Variants in SCHIP1 observed in about 807,000 individuals in gnomAD.
The protein encoded by SCHIP1 is schwannomin interacting protein 1, also known as schwannomin-interacting protein 1.
Under a neutral mutation model 29.7 loss-of-function variants are expected in SCHIP1, and 8 were observed. The observed-to-expected ratio is 0.27, with a 90% CI of 0.16 to 0.49. SCHIP1 has a LOEUF of 0.49. Ranked by LOEUF, SCHIP1 falls within the 20% of genes least tolerant of loss-of-function variation. The probability of loss-of-function intolerance (pLI) is 0.99; values close to 1 mark genes in which losing one functional copy is unlikely to be tolerated. For synonymous variants in SCHIP1, 76 were observed against 94.9 expected, an observed-to-expected ratio of 0.80 and a Z score of 1.16; for missense variants, 193 against 294.6, an observed-to-expected ratio of 0.66 and a Z score of 2.52.
chr3:159,754,194 C>T, the SCHIP1 span, among the ~76,000 whole-genome samples: 393 of 152,278 alleles, frequency 2.6e-3, 1 homozygote, highest in Non-Finnish European at 4.7e-3. Context: ...TTCATAAAGA[C>T]GTTTAAAACA....
the SCHIP1 span, among the ~76,000 whole-genome samples, chr3:159,573,656 G>A: frequency 6.6e-6 from 1 of 152,232 alleles, no homozygotes; most frequent in Non-Finnish European, 1.5e-5. Context: ...ATATTGGCCT[G>A]CCTTGCTAGG....
chr3:159,527,473 G>C, the SCHIP1 span, among the ~76,000 whole-genome samples: 1 of 152,138 alleles, frequency 6.6e-6, no homozygotes, highest in African/African-American at 2.4e-5. Flanking sequence ...AGAAACAATT[G>C]ACTAAACAAC....
the SCHIP1 span, among the ~76,000 whole-genome samples, chr3:159,726,708 A>G: frequency 6.6e-6 from 1 of 152,194 alleles, no homozygotes; most frequent in Non-Finnish European, 1.5e-5. Flanking sequence ...ACTGTACTAT[A>G]AAATAGGGCC....
the SCHIP1 span, among the ~76,000 whole-genome samples, chr3:159,357,960 C>T: frequency 6.6e-6 from 1 of 152,202 alleles, no homozygotes; most frequent in Non-Finnish European, 1.5e-5. Context: ...ATTCTGCCCC[C>T]AAGGGGCACA....
the SCHIP1 span, among the ~76,000 whole-genome samples, chr3:159,319,646 TA>T: frequency 3.9e-5 from 6 of 152,252 alleles, no homozygotes; most frequent in Non-Finnish European, 8.8e-5. Context: ...TGTTAATATT[TA>T]AAGTCTGGTT....
the SCHIP1 span, among the ~76,000 whole-genome samples, chr3:159,402,801 G>A: frequency 6.6e-6 from 1 of 152,094 alleles, no homozygotes; most frequent in Non-Finnish European, 1.5e-5. Flanking sequence ...GGAGCAGGGA[G>A]GGATAGCATT....
the SCHIP1 span, among the ~76,000 whole-genome samples, chr3:159,283,079 G>T: frequency 2.0e-5 from 3 of 151,896 alleles, no homozygotes; most frequent in African/African-American, 7.3e-5. Flanking sequence ...AATAAATATT[G>T]ATAAGGACCT....
the SCHIP1 span, among the ~76,000 whole-genome samples, chr3:159,458,271 C>T: frequency 6.6e-6 from 1 of 152,192 alleles, no homozygotes; most frequent in Non-Finnish European, 1.5e-5. Context: ...GTGACCACGC[C>T]TGCCTAACCA....
At chr3:159,478,589 G>A in the SCHIP1 span, among the ~76,000 whole-genome samples, 1 of 151,870 alleles carries the variant, frequency 6.6e-6, no homozygotes, top group Non-Finnish European at 1.5e-5. Flanking sequence ...CATATGAAGA[G>A]TTGTATTTTC....
the SCHIP1 span, among the ~76,000 whole-genome samples, chr3:159,544,459 G>T: frequency 6.6e-6 from 1 of 151,922 alleles, no homozygotes; most frequent in African/African-American, 2.4e-5. Flanking sequence ...AACATGAGTT[G>T]TACCAACTCA....
the SCHIP1 span, among the ~76,000 whole-genome samples, chr3:159,656,358 C>G: frequency 2.0e-5 from 3 of 151,972 alleles, no homozygotes; most frequent in Non-Finnish European, 2.9e-5. Context: ...GGTGTTACAC[C>G]CTTTGGTGTT....
the SCHIP1 span, among the ~76,000 whole-genome samples, chr3:159,653,387 A>G: frequency 6.6e-6 from 1 of 152,204 alleles, no homozygotes; most frequent in Admixed American, 6.5e-5. Flanking sequence ...GCACATATAT[A>G]CCATGGAATA....
chr3:159,456,900 T>C, the SCHIP1 span, among the ~76,000 whole-genome samples: 1 of 152,188 alleles, frequency 6.6e-6, no homozygotes, highest in Non-Finnish European at 1.5e-5. Flanking sequence ...AAGGATTTTA[T>C]AGAAGCACAC....
At chr3:159,408,422 T>C in the SCHIP1 span, among the ~76,000 whole-genome samples, 1 of 150,224 alleles carries the variant, frequency 6.7e-6, no homozygotes, top group African/African-American at 2.4e-5. Flanking sequence ...GACAAAACCT[T>C]AGCCACTCTA....
chr3:159,507,919 TA>T, the SCHIP1 span, among the ~76,000 whole-genome samples: 1 of 152,240 alleles, frequency 6.6e-6, no homozygotes, highest in East Asian at 1.9e-4. Flanking sequence ...GATATTGGTC[TA>T]AAATTCTCTT....
intron 5 of SCHIP1, among the ~76,000 whole-genome samples, chr3:159,891,779 C>T (rs1286933036): frequency 1.3e-5 from 2 of 152,172 alleles, no homozygotes; most frequent in Non-Finnish European, 2.9e-5. Context: ...TAATGTGCTC[C>T]AGGCTTTGCT....
the SCHIP1 span, among the ~76,000 whole-genome samples, chr3:159,583,927 G>A: frequency 6.6e-6 from 1 of 152,040 alleles, no homozygotes; most frequent in Admixed American, 6.6e-5. Context: ...TATTCTCTGA[G>A]GTATCCCAGA....
chr3:159,516,245 A>G, the SCHIP1 span, among the ~76,000 whole-genome samples: 1 of 152,042 alleles, frequency 6.6e-6, no homozygotes, highest in Non-Finnish European at 1.5e-5. Context: ...TTGCTCCTGA[A>G]TCTGTCTATA....
chr3:159,307,426 A>G, the SCHIP1 span, among the ~76,000 whole-genome samples: 1 of 152,232 alleles, frequency 6.6e-6, no homozygotes, highest in South Asian at 2.1e-4. Context: ...TCAGGCACAC[A>G]TATCTAGTAC....
Sources: gnomAD v4.1 joint callset for allele counts (sites outside exome capture counted in the v4.1 genomes callset) on GRCh38, gnomAD v4.1.1 for gene constraint, MANE v1.5 for transcripts, NCBI Gene and HGNC (gene_info 2026-07-23, HGNC 2026-07-21) for gene names.